The following DIP2C variants were observed in gnomAD, a reference collection of about 807,000 sequenced individuals.
The protein encoded by DIP2C is DIP2 acetate--CoA ligase C (putative).
DIP2C carries 33 observed loss-of-function variants against 192.4 expected under a neutral mutation model. The observed-to-expected ratio is 0.17, with a 90% confidence interval of 0.13 to 0.23. The LOEUF (loss-of-function observed/expected upper bound fraction) is 0.23. Ranked by LOEUF, DIP2C falls within the 10% of genes least tolerant of loss-of-function variation. The pLI, the probability that DIP2C is intolerant of heterozygous loss-of-function variation, is 1.00. For missense variants in DIP2C, 1,537 were observed against 2,110.1 expected, an observed-to-expected ratio of 0.73 and a Z score of 5.32; for synonymous variants, 979 against 864.1, an observed-to-expected ratio of 1.13 and a Z score of -2.33.
chr10:282,862 C>T (rs1201139945), intron 35 of DIP2C, among the ~76,000 whole-genome samples: 1 of 152,256 alleles, frequency 6.6e-6, no homozygotes, highest in Non-Finnish European at 1.5e-5. Flanking sequence ...CTAGAAGCAG[C>T]AGCATGCACG....
Position 310,060 on chromosome 10 carries a change from G to A in DIP2C, c.3957C>T (p.Tyr1319=), listed in dbSNP as rs757787462. Reference sequence around the variant, plus strand: ...CGTGTCTCAGGGCTCTCATGTCCACGTAGACAGTGGTTGGGTCAGGTCCTG... The same window carrying A: ...CGTGTCTCAGGGCTCTCATGTCCACATAGACAGTGGTTGGGTCAGGTCCTG... ...GTSGPDPTTV[Y]VDMRALRHDR... The change falls in exon 32 of 37, where the codon TAC becomes TAT. Residue 1319 remains tyrosine, a synonymous_variant. Coordinates refer to ENST00000280886, the MANE Select transcript of DIP2C (RefSeq NM_014974.3). The A allele has an allele frequency of 8.4e-5, 136 of 1,614,078 alleles. No homozygotes were observed. The highest frequency in any genetic ancestry group is 1.7e-4 in the Admixed American group (10 of 60,004).
At chr10:461,243 GAC>G (rs1219876895) in intron 3 of DIP2C, among the ~76,000 whole-genome samples, 4 of 152,154 alleles carry the variant, frequency 2.6e-5, no homozygotes, top group African/African-American at 9.7e-5. Context: ...CCCATTAAAA[GAC>G]ACAGACTGGC....
Position 348,676 on chromosome 10 carries a change from C to T in DIP2C, c.3196G>A (p.Ala1066Thr), listed in dbSNP as rs771770814. ...TVRPPHPQNIATTLPTVKMIV... is the reference protein window; with the variant it reads ...TVRPPHPQNITTTLPTVKMIV... The stretch of plus-strand genomic sequence containing the variant: ...ATCTTGACGGTAGGCAACGTCGTCG[C>T]GATGTTCTGTGGGTGCGGGGGACGG... The change falls in exon 26 of 37, where the codon GCG becomes ACG. Residue 1066 changes from alanine to threonine, a missense_variant. Physicochemically the swap from Ala to Thr is moderately conservative, Grantham distance 58. Coordinates refer to ENST00000280886, the MANE Select transcript of DIP2C (RefSeq NM_014974.3). The T allele has an allele frequency of 1.1e-5, 18 of 1,613,696 alleles. No homozygotes were observed. Among genetic ancestry groups the T allele is most frequent in the Admixed American group, 8.3e-5 (5 of 59,928 alleles).
chr10:575,202 G>A (rs1331165342), intron 1 of DIP2C, among the ~76,000 whole-genome samples: 4 of 152,106 alleles, frequency 2.6e-5, no homozygotes, highest in Admixed American at 6.5e-5. Flanking sequence ...TCTGAAACAT[G>A]GAATTATTAA....
chr10:386,905 TAAAC>T (rs1176061994), intron 14 of DIP2C, among the ~76,000 whole-genome samples: 2 of 152,108 alleles, frequency 1.3e-5, no homozygotes, highest in African/African-American at 2.4e-5. Flanking sequence ...AGGCCCACCT[TAAAC>T]AAATAACAAG....
At chr10:538,145 G>A (rs1292489692) in intron 1 of DIP2C, among the ~76,000 whole-genome samples, 4 of 152,056 alleles carry the variant, frequency 2.6e-5, no homozygotes, top group African/African-American at 4.8e-5. Flanking sequence ...ATCCTCTGTG[G>A]ATAACAAATG....
intron 10 of DIP2C, 116 bp from the exon 11 acceptor site, chr10:390,979 C>T: frequency 2.1e-6 from 3 of 1,444,404 alleles, no homozygotes; most frequent in Non-Finnish European, 2.8e-6. Flanking sequence ...AGGATCCAAC[C>T]CCCAGCCCTG....
At chr10:547,979 C>T (rs1409989054) in intron 1 of DIP2C, among the ~76,000 whole-genome samples, 1 of 152,174 alleles carries the variant, frequency 6.6e-6, no homozygotes, top group African/African-American at 2.4e-5. Context: ...GCAGCTCAAA[C>T]CCACTCATTG....
chr10:329,293 GTAAGCTTCAGGTGACGT>G, intron 30 of DIP2C, 123 bp downstream of exon 30: 1 of 846,960 alleles, frequency 1.2e-6, no homozygotes, highest in Non-Finnish European at 1.7e-6. Context: ...AAGGCAGTTT[GTAAGCTTCAGGTGACGT>G]TAGATTAAAC....
At chr10:603,098 CAT>C (rs1047255219) in intron 1 of DIP2C, among the ~76,000 whole-genome samples, 5 of 152,012 alleles carry the variant, frequency 3.3e-5, no homozygotes, top group Non-Finnish European at 7.4e-5. Flanking sequence ...GCTGGATTAT[CAT>C]ATGTAAGTTC....
intron 1 of DIP2C, among the ~76,000 whole-genome samples, chr10:499,421 T>C (rs1443470160): frequency 6.6e-6 from 1 of 152,242 alleles, no homozygotes; most frequent in Non-Finnish European, 1.5e-5. Flanking sequence ...GCAGTTTGAT[T>C]GACTCACAGT....
intron 1 of DIP2C, among the ~76,000 whole-genome samples, chr10:626,388 G>A (rs1440242480): frequency 2.0e-5 from 3 of 149,940 alleles, no homozygotes; most frequent in Non-Finnish European, 4.4e-5. Flanking sequence ...ATCCCCCAAA[G>A]GCACCTGGAG....
At chr10:330,914 G>A (rs980399040) in intron 29 of DIP2C, among the ~76,000 whole-genome samples, 2 of 151,078 alleles carry the variant, frequency 1.3e-5, no homozygotes, top group Admixed American at 6.6e-5. Flanking sequence ...TCAAGCTGAG[G>A]CCATCCTCCC....
chr10:505,030 C>A (rs816591), intron 1 of DIP2C, among the ~76,000 whole-genome samples: 3,503 of 152,272 alleles, frequency 0.023, 135 homozygotes, highest in African/African-American at 0.08. Context: ...GGGATCCCCA[C>A]CCTGCCCTCC....
chr10:413,160 G>T (rs1233874188), intron 8 of DIP2C, among the ~76,000 whole-genome samples: 1 of 152,186 alleles, frequency 6.6e-6, no homozygotes, highest in Non-Finnish European at 1.5e-5. Flanking sequence ...TCTTTGTAAA[G>T]CTGAAGCAGA....
chr10:277,857 C>G (rs987077003), intron 36 of DIP2C, among the ~76,000 whole-genome samples: 1 of 152,202 alleles, frequency 6.6e-6, no homozygotes, highest in Non-Finnish European at 1.5e-5. Flanking sequence ...CAGCATCACT[C>G]CACCTGGCCA....
At chr10:383,584 T>C (rs1466076066) in intron 16 of DIP2C, among the ~76,000 whole-genome samples, 2 of 152,212 alleles carry the variant, frequency 1.3e-5, no homozygotes, top group East Asian at 3.8e-4. Flanking sequence ...AATTTACTGA[T>C]CAAGAAAACT....
At chr10:398,318 C>A (rs947625216) in intron 10 of DIP2C, among the ~76,000 whole-genome samples, 1 of 152,218 alleles carries the variant, frequency 6.6e-6, no homozygotes. Context: ...CCCTAAGACA[C>A]TGGCTTCTAT....
chr10:304,501 T>C (rs1322017613), intron 32 of DIP2C, among the ~76,000 whole-genome samples: 1 of 152,164 alleles, frequency 6.6e-6, no homozygotes, highest in Non-Finnish European at 1.5e-5. Flanking sequence ...TGGAGAACTC[T>C]GGCCCCCTCC....
Sources: gnomAD v4.1 joint callset for allele counts (sites outside exome capture counted in the v4.1 genomes callset) on GRCh38, gnomAD v4.1.1 for gene constraint, MANE v1.5 for transcripts, NCBI Gene and HGNC (gene_info 2026-07-23, HGNC 2026-07-21) for gene names.